Variants in UVRAG observed in about 807,000 individuals in gnomAD.
UVRAG encodes the protein UV radiation resistance-associated gene protein.
A neutral mutation model predicts 78.0 loss-of-function variants in UVRAG; 19 were observed. The observed-to-expected ratio is 0.24, with a 90% CI of 0.17 to 0.36. The LOEUF (loss-of-function observed/expected upper bound fraction) is 0.36, where lower values mean the gene tolerates loss of function less well. Ranked by LOEUF, UVRAG falls within the 10% of genes least tolerant of loss-of-function variation. The pLI is 1.00. For missense variants in UVRAG, 740 were observed against 853.8 expected, an observed-to-expected ratio of 0.87 and a Z score of 1.66; for synonymous variants, 323 against 324.6, an observed-to-expected ratio of 1.00 and a Z score of 0.05.
intron 13 of UVRAG, among the ~76,000 whole-genome samples, chr11:76,099,744 C>T (rs575411452): frequency 7.2e-5 from 11 of 152,050 alleles, no homozygotes; most frequent in African/African-American, 1.2e-4. Flanking sequence ...AATAGCACCA[C>T]GTAATATTCT....
chr11:76,077,905 G>GT (rs1395989787), intron 13 of UVRAG, among the ~76,000 whole-genome samples: 5 of 152,068 alleles, frequency 3.3e-5, no homozygotes, highest in African/African-American at 9.7e-5. Flanking sequence ...TATCCTAGTT[G>GT]TTTTAAAAGA....
At chr11:76,078,541 G>A (rs1951440342) in intron 13 of UVRAG, among the ~76,000 whole-genome samples, 1 of 151,680 alleles carries the variant, frequency 6.6e-6, no homozygotes, top group African/African-American at 2.4e-5. Context: ...ATGAAATTTT[G>A]TCATCCACAG....
intron 12 of UVRAG, among the ~76,000 whole-genome samples, chr11:76,018,575 AT>A (rs1950188380): frequency 6.6e-6 from 1 of 151,982 alleles, no homozygotes; most frequent in South Asian, 2.1e-4. Flanking sequence ...CGCCCAGCTA[AT>A]TTTTGTATTT....
chr11:76,038,148 TAAGCTTTCATACAGTAAGA>T (rs1950573335), intron 12 of UVRAG, among the ~76,000 whole-genome samples: 1 of 152,190 alleles, frequency 6.6e-6, no homozygotes, highest in South Asian at 2.1e-4. Flanking sequence ...ACATTGCTGT[TAAGCTTTCATACAGTAAGA>T]AATAAGACCA....
At chr11:75,883,352 G>A (rs1211064272) in intron 4 of UVRAG, among the ~76,000 whole-genome samples, 1 of 140,836 alleles carries the variant, frequency 7.1e-6, no homozygotes, top group Admixed American at 7.3e-5. Context: ...AGTCAGTTAT[G>A]CTGGAGTAAC....
At chr11:76,130,558 A>G (rs1219588844) in intron 14 of UVRAG, among the ~76,000 whole-genome samples, 1 of 152,226 alleles carries the variant, frequency 6.6e-6, no homozygotes, top group Non-Finnish European at 1.5e-5. Context: ...CAGTAATTAA[A>G]TTGCGGCAAA....
chr11:75,944,306 G>A (rs1254397802), intron 6 of UVRAG, among the ~76,000 whole-genome samples: 2 of 152,072 alleles, frequency 1.3e-5, no homozygotes, highest in East Asian at 1.9e-4. Flanking sequence ...TATCCATTTT[G>A]CAAGGGTACT....
At chr11:75,985,133 T>C (rs1429621819) in intron 8 of UVRAG, among the ~76,000 whole-genome samples, 1 of 151,654 alleles carries the variant, frequency 6.6e-6, no homozygotes, top group Non-Finnish European at 1.5e-5. Flanking sequence ...CCTTCCTACA[T>C]CCTTGTCAGG....
At chr11:76,106,373 T>A (rs1951970086) in intron 13 of UVRAG, among the ~76,000 whole-genome samples, 1 of 147,326 alleles carries the variant, frequency 6.8e-6, no homozygotes. Context: ...GAAATGCCTA[T>A]TTTTTTTTTT....
At chr11:75,836,998 G>T (rs568090255) in intron 1 of UVRAG, among the ~76,000 whole-genome samples, 1 of 152,130 alleles carries the variant, frequency 6.6e-6, no homozygotes, top group Admixed American at 6.5e-5. Context: ...ATTCACTCCA[G>T]GAACAGCCAC....
intron 13 of UVRAG, among the ~76,000 whole-genome samples, chr11:76,084,249 T>C (rs1237955992): frequency 6.6e-6 from 1 of 152,236 alleles, no homozygotes; most frequent in Non-Finnish European, 1.5e-5. Context: ...ACCCATTAAA[T>C]TCATACCAGG....
chr11:75,815,327 G>T lies in UVRAG; in HGVS notation c.-81G>T. 1 of 736,282 alleles carries T rather than the reference G, an allele frequency of 1.4e-6. No individual in the cohort carries two copies. Among genetic ancestry groups the T allele is most frequent in the Non-Finnish European group, 1.9e-6 (1 of 528,880 alleles). The allele number at this position is 736,282 out of a possible 1,614,324, so 45.6% of individuals were successfully genotyped here. ...GGGTGGCGGGTTTCTAGGCTGCAGGGGCTTGGTAGGTGGTGGCAAGGGGGC... is the reference window on the plus strand; with the variant it reads ...GGGTGGCGGGTTTCTAGGCTGCAGGTGCTTGGTAGGTGGTGGCAAGGGGGC... On this transcript the variant is annotated 5_prime_UTR_variant, in exon 1 of 15. Transcript: ENST00000356136.
At chr11:75,879,065 G>C (rs1361489099) in intron 3 of UVRAG, among the ~76,000 whole-genome samples, 2 of 152,140 alleles carry the variant, frequency 1.3e-5, no homozygotes, top group African/African-American at 4.8e-5. Context: ...TCGACTCCCT[G>C]GACGGTTCTC....
chr11:75,922,067 C>G (rs982065640), intron 6 of UVRAG, among the ~76,000 whole-genome samples: 3 of 152,004 alleles, frequency 2.0e-5, no homozygotes, highest in Non-Finnish European at 2.9e-5. Flanking sequence ...CTTATTTTAT[C>G]CTACTTTAAA....
At chr11:75,891,583 A>C (rs1418127304) in intron 5 of UVRAG, among the ~76,000 whole-genome samples, 1 of 152,210 alleles carries the variant, frequency 6.6e-6, no homozygotes, top group East Asian at 1.9e-4. Context: ...TGAGTAAGCC[A>C]ATAACTAATA....
intron 3 of UVRAG, among the ~76,000 whole-genome samples, chr11:75,865,114 C>T (rs1387252079): frequency 6.6e-6 from 1 of 151,796 alleles, no homozygotes; most frequent in African/African-American, 2.4e-5. Flanking sequence ...ATGGAGAATC[C>T]CCATCTCTAC....
intron 14 of UVRAG, among the ~76,000 whole-genome samples, chr11:76,127,731 C>T (rs975319519): frequency 1.4e-4 from 21 of 151,096 alleles, no homozygotes; most frequent in East Asian, 5.9e-4. Context: ...CCAAGGTGGG[C>T]GGATCACTTG....
intron 13 of UVRAG, among the ~76,000 whole-genome samples, chr11:76,113,066 A>G (rs967590962): frequency 2.0e-5 from 3 of 152,182 alleles, no homozygotes; most frequent in African/African-American, 7.2e-5. Flanking sequence ...GTACATAGAA[A>G]AGCTCAACTG....
At chr11:75,951,606 T>C (rs1206273165) in intron 6 of UVRAG, among the ~76,000 whole-genome samples, 1 of 152,138 alleles carries the variant, frequency 6.6e-6, no homozygotes, top group Non-Finnish European at 1.5e-5. Flanking sequence ...GGTCTCGAAC[T>C]CCCAGCCTCA....
Sources: gnomAD v4.1 joint callset for allele counts (sites outside exome capture counted in the v4.1 genomes callset) on GRCh38, gnomAD v4.1.1 for gene constraint, MANE v1.5 for transcripts, NCBI Gene and HGNC (gene_info 2026-07-23, HGNC 2026-07-21) for gene names.